Variants in CD300A observed in about 807,000 individuals in gnomAD.
CD300A encodes CMRF35-like molecule 8.
Under a neutral mutation model 33.6 loss-of-function variants are expected in CD300A, and 22 were observed. The ratio of observed to expected loss-of-function variants is 0.66; its 90% CI spans 0.47 to 0.94. The LOEUF is 0.94. Ranked by LOEUF, CD300A falls within the 40% of genes least tolerant of loss-of-function variation. CD300A has a pLI of 0.00. For missense variants in CD300A, 326 were observed against 360.5 expected, an observed-to-expected ratio of 0.90 and a Z score of 0.77; for synonymous variants, 136 against 148.1, an observed-to-expected ratio of 0.92 and a Z score of 0.59.
intron 6 of CD300A, 109 bp from the exon 7 acceptor site, chr17:74,483,891 GT>G: frequency 7.9e-7 from 1 of 1,265,670 alleles, no homozygotes; most frequent in Admixed American, 2.0e-5. Flanking sequence ...AGCCTCTACA[GT>G]GAGGCCTCCC....
At chr17:74,467,660 C>A (rs1031860801) in intron 1 of CD300A, among the ~76,000 whole-genome samples, 1 of 152,152 alleles carries the variant, frequency 6.6e-6, no homozygotes, top group Non-Finnish European at 1.5e-5. Context: ...CCTTACAGAT[C>A]GGAGGTTTTC....
At chr17:74,466,858 GA>G in intron 1 of CD300A, 115 bp downstream of exon 1, 1 of 1,537,198 alleles carries the variant, frequency 6.5e-7, no homozygotes, top group East Asian at 2.5e-5. Flanking sequence ...GCAGAACGCA[GA>G]ATGCGGTGCG....
chr17:74,474,348 C>G (rs150699084), intron 2 of CD300A, among the ~76,000 whole-genome samples, 184 bp from the exon 3 acceptor site: 5 of 152,128 alleles, frequency 3.3e-5, no homozygotes, highest in African/African-American at 1.2e-4. Context: ...GAGTGGCACC[C>G]GTGTCCTGTT....
intron 1 of CD300A, among the ~76,000 whole-genome samples, chr17:74,472,897 A>G (rs2144511614): frequency 6.6e-6 from 1 of 152,204 alleles, no homozygotes; most frequent in South Asian, 2.1e-4. Flanking sequence ...GGCATAACCC[A>G]CTGTACCCAG....
intron 3 of CD300A, 118 bp downstream of exon 3, chr17:74,474,803 C>T: frequency 1.7e-6 from 2 of 1,144,338 alleles, no homozygotes; most frequent in Non-Finnish European, 1.2e-6. Flanking sequence ...TTGCCCCAGG[C>T]CCAGGTTGGA....
chr17:74,483,270 T>C (rs1324789881), intron 6 of CD300A, among the ~76,000 whole-genome samples: 1 of 152,064 alleles, frequency 6.6e-6, no homozygotes, highest in Non-Finnish European at 1.5e-5. Flanking sequence ...TGGCTTCAAC[T>C]CCACCTAGAG....
chr17:74,467,399 G>T lies in CD300A; in HGVS notation c.40+656G>T, dbSNP rs560380542. 3.3e-5 allele frequency among the ~76,000 whole-genome samples: 5 copies of T among 152,330 alleles called. No homozygotes were observed. The East Asian group carries it at 9.7e-4, about 29-fold the overall frequency. On this transcript the variant is annotated intron_variant, in intron 1 of 6. Coordinates refer to ENST00000360141, the MANE Select transcript of CD300A (RefSeq NM_007261.4). Reference sequence around the variant, plus strand: ...AGAACCAGGGGTCAGTCCTCTCCAAGAAGGGGATATGGGACAGAGGGGACA... The same window carrying T: ...AGAACCAGGGGTCAGTCCTCTCCAATAAGGGGATATGGGACAGAGGGGACA...
At position 74,473,664 on chromosome 17, in the gene CD300A, C is replaced by G. The variant is rs377492184; in HGVS notation, c.169C>G (p.Leu57Val). The G allele has an allele frequency of 6.2e-7, 1 of 1,614,234 alleles. No individual in the cohort carries two copies. The highest frequency in any genetic ancestry group is 1.1e-5 in the South Asian group (1 of 91,082). The change falls in exon 2 of 7, where the codon CTA becomes GTA. Residue 57 changes from leucine to valine, a missense_variant. Leu to Val is a conservative substitution (Grantham distance 32). Transcript: ENST00000360141. Reference protein sequence around the residue: ...KYWCRPPQIFLCDKIVETKGS... With the variant: ...KYWCRPPQIFVCDKIVETKGS... ...CTGGTGCAGACCACCACAGATTTTC[C>G]TATGTGACAAGATTGTGGAGACCAA...
At chr17:74,473,260 G>C (rs72844388) in intron 1 of CD300A, among the ~76,000 whole-genome samples, 1 of 152,104 alleles carries the variant, frequency 6.6e-6, no homozygotes, top group Non-Finnish European at 1.5e-5. Context: ...GGGGCTGAGG[G>C]CTGGGGGTGC....
At chr17:74,481,044 C>T (rs56168354) in intron 4 of CD300A, among the ~76,000 whole-genome samples, 7,133 of 152,256 alleles carry the variant, frequency 0.047, 202 homozygotes, top group South Asian at 0.09. Context: ...CCACCGCACC[C>T]GGCCCAGCTG....
chr17:74,468,344 T>G (rs6501715), intron 1 of CD300A, among the ~76,000 whole-genome samples: 79,966 of 151,888 alleles, frequency 0.53, 23,439 homozygotes, highest in African/African-American at 0.78. Flanking sequence ...AACATTTTTA[T>G]TTTTTTGAGA....
chr17:74,467,678 A>G (rs1905815510), intron 1 of CD300A, among the ~76,000 whole-genome samples: 1 of 152,060 alleles, frequency 6.6e-6, no homozygotes, highest in Non-Finnish European at 1.5e-5. Context: ...TTCTGCAATT[A>G]TATTTGCTAA....
rs760033750 is a variant in CD300A at position 74,473,579 on chromosome 17, G to T, written c.84G>T (p.Val28=). ...AATGCAGGACCGTGGCGGGCCCCGT[G>T]GGGGGATCCCTGAGTGTGCAGTGTC... The part of the protein sequence containing the change: ...LSKCRTVAGP[V]GGSLSVQCPY... Residue 28 remains valine (V), a synonymous_variant, in exon 2 of 7, where the codon GTG becomes GTT. Coordinates refer to ENST00000360141, the MANE Select transcript of CD300A (RefSeq NM_007261.4). The T allele has an allele frequency of 7.4e-6, 12 of 1,613,822 alleles. No individual in the cohort carries two copies. In the Middle Eastern group the frequency reaches 8.2e-4, roughly 111 times the overall value.
At chr17:74,470,140 C>T in intron 1 of CD300A, 3 of 985,372 alleles carry the variant, frequency 3.0e-6, no homozygotes, top group Non-Finnish European at 3.6e-6. Context: ...TCCCCAGTCT[C>T]CTGTTTATGA....
chr17:74,483,074 T>C (rs994486689), intron 6 of CD300A, among the ~76,000 whole-genome samples: 3 of 152,136 alleles, frequency 2.0e-5, no homozygotes, highest in African/African-American at 7.2e-5. Context: ...CATGACATGA[T>C]CTTGTGTCCA....
At position 74,483,995 on chromosome 17, in the gene CD300A, C is replaced by T. The variant is rs1742353997; in HGVS notation, c.775-6C>T. 3 of 1,613,700 alleles carry T rather than the reference C, an allele frequency of 1.9e-6. No homozygotes were observed. Among genetic ancestry groups the T allele is most frequent in the Middle Eastern group, 3.3e-4 (2 of 6,038 alleles). On this transcript the variant is annotated splice_region_variant and splice_polypyrimidine_tract_variant and intron_variant, in intron 6 of 6. Coordinates refer to ENST00000360141, the MANE Select transcript of CD300A (RefSeq NM_007261.4). ...AAGTCTTCAGTTTCTTGGTTTCTCT[C>T]TGCAGGCCTCCCCCAGGGAAGAACT...
rs1219168234 is a variant in CD300A, at chr17:74,480,466, A to G, written c.629-823A>G. Among the ~76,000 whole-genome samples the G allele has an allele frequency of 2.0e-5, 3 of 152,114 alleles. No homozygotes were observed. Among genetic ancestry groups the G allele is most frequent in the Non-Finnish European group, 4.4e-5 (3 of 68,004 alleles). On this transcript the variant is annotated intron_variant, in intron 4 of 6. Transcript: ENST00000360141. The surrounding 1 kb of genome is among the most constrained non-coding windows in gnomAD (Gnocchi z 4.2). ...CTTATAGAGCAGGTGCCAGCAGCCAAGGGCTGTGTGAGCCTGAGCTGGCGT... is the reference window on the plus strand; with the variant it reads ...CTTATAGAGCAGGTGCCAGCAGCCAGGGGCTGTGTGAGCCTGAGCTGGCGT...
rs1306777705 is a variant in CD300A, at chr17:74,473,760, A to T, written c.265A>T (p.Thr89Ser). The T allele has an allele frequency of 6.2e-7, 1 of 1,614,186 alleles. No homozygotes were observed. Among genetic ancestry groups the T allele is most frequent in the South Asian group, 1.1e-5 (1 of 91,070 alleles). The change falls in exon 2 of 7, where the codon ACC becomes TCC. Residue 89 changes from threonine (T) to serine (S), a missense_variant. Thr to Ser is a moderately conservative substitution (Grantham distance 58). Transcript: ENST00000360141. Reference sequence around the variant, plus strand: ...TCCTGCAAACCTCAGCTTCACAGTGACCCTGGAGAATCTCACAGAGGAGGA... The same window carrying T: ...TCCTGCAAACCTCAGCTTCACAGTGTCCCTGGAGAATCTCACAGAGGAGGA... ...DSPANLSFTV[T>S]LENLTEEDAG...
At position 74,481,492 on chromosome 17, in the gene CD300A, A is replaced by G. The variant is rs1906845387; in HGVS notation, c.666+166A>G. ...GATGTGGTCACTAGGTCTTGTTCTG[A>G]GTCCTGGCCAGCCTGTCCCCTCCCC... On this transcript the variant is annotated intron_variant, in intron 5 of 6. Coordinates refer to ENST00000360141, the MANE Select transcript of CD300A (RefSeq NM_007261.4). 8.7e-6 allele frequency: 6 copies of G among 689,342 alleles called. No homozygotes were observed. The East Asian group carries it at 1.6e-4, about 19-fold the overall frequency. The allele number at this position is 689,342 out of a possible 1,614,324, so 42.7% of individuals were successfully genotyped here.
Sources: allele counts gnomAD v4.1 joint callset (sites outside exome capture counted in the v4.1 genomes callset), GRCh38; gene constraint gnomAD v4.1.1; non-coding constraint Gnocchi (gnomAD v3.1); transcripts MANE v1.5; gene names NCBI Gene and HGNC (gene_info 2026-07-23, HGNC 2026-07-21).